Variants in SGCZ observed in about 807,000 individuals in gnomAD.
SGCZ encodes the protein zeta-sarcoglycan.
Under a neutral mutation model 41.3 loss-of-function variants are expected in SGCZ, and 40 were observed. The ratio of observed to expected loss-of-function variants is 0.97; its 90% CI spans 0.75 to 1.26. The LOEUF is 1.26. Ranked by LOEUF, SGCZ falls within the 50% of genes most tolerant of loss-of-function variation. The pLI is 0.00. For missense variants in SGCZ, 552 were observed against 369.8 expected, an observed-to-expected ratio of 1.49 and a Z score of -4.04; for synonymous variants, 206 against 137.5, an observed-to-expected ratio of 1.50 and a Z score of -3.49.
At chr8:14,135,520 A>G (rs890533454) in intron 5 of SGCZ, among the ~76,000 whole-genome samples, 1 of 152,228 alleles carries the variant, frequency 6.6e-6, no homozygotes, top group Non-Finnish European at 1.5e-5. Flanking sequence ...ATAGATGGGT[A>G]TAGTAATCTG....
intron 1 of SGCZ, among the ~76,000 whole-genome samples, chr8:14,966,318 A>G (rs191178478): frequency 9.2e-5 from 14 of 151,932 alleles, no homozygotes; most frequent in Admixed American, 3.3e-4. Context: ...CAGGTTAAAA[A>G]TAAATAATCT....
At chr8:14,855,231 G>A (rs928209410) in intron 1 of SGCZ, among the ~76,000 whole-genome samples, 4 of 151,734 alleles carry the variant, frequency 2.6e-5, no homozygotes, top group Non-Finnish European at 4.4e-5. Flanking sequence ...CGTATTTTTA[G>A]TTGAGACGGA....
At chr8:14,794,059 C>T (rs899024240) in intron 1 of SGCZ, among the ~76,000 whole-genome samples, 11 of 152,066 alleles carry the variant, frequency 7.2e-5, no homozygotes, top group South Asian at 6.2e-4. Context: ...GATATAGAAA[C>T]CACTGTTCCT....
chr8:14,591,344 T>C (rs1805233556), intron 1 of SGCZ, among the ~76,000 whole-genome samples: 1 of 152,006 alleles, frequency 6.6e-6, no homozygotes, highest in African/African-American at 2.4e-5. Flanking sequence ...AGGCCCCTTT[T>C]AAACAAATGA....
intron 7 of SGCZ, among the ~76,000 whole-genome samples, chr8:14,098,332 A>C (rs1395797281): frequency 6.6e-6 from 1 of 152,188 alleles, no homozygotes; most frequent in East Asian, 1.9e-4. Context: ...ATGTGAAAGC[A>C]AGAAGTGCAC....
At chr8:15,087,004 AG>A (rs1390148082) in intron 1 of SGCZ, among the ~76,000 whole-genome samples, 3 of 152,192 alleles carry the variant, frequency 2.0e-5, no homozygotes, top group Admixed American at 2.0e-4. Context: ...ATGACACAGA[AG>A]AACATGGGAT....
At chr8:14,315,675 A>C (rs1801690880) in intron 3 of SGCZ, among the ~76,000 whole-genome samples, 1 of 152,112 alleles carries the variant, frequency 6.6e-6, no homozygotes, top group African/African-American at 2.4e-5. Flanking sequence ...TCAAGGCCTA[A>C]GATAGATTTA....
intron 2 of SGCZ, among the ~76,000 whole-genome samples, chr8:14,468,949 C>T (rs1379656454): frequency 6.6e-6 from 1 of 152,042 alleles, no homozygotes; most frequent in Non-Finnish European, 1.5e-5. Flanking sequence ...ATTCCATTGC[C>T]ATCCTAATTG....
intron 1 of SGCZ, among the ~76,000 whole-genome samples, chr8:15,094,389 C>T (rs1346497648): frequency 1.3e-5 from 2 of 152,162 alleles, no homozygotes; most frequent in Non-Finnish European, 2.9e-5. Flanking sequence ...CCTGCCTTGG[C>T]CTCCCAAAGT....
chr8:14,845,459 A>T (rs1454804653), intron 1 of SGCZ, among the ~76,000 whole-genome samples: 1 of 152,214 alleles, frequency 6.6e-6, no homozygotes, highest in African/African-American at 2.4e-5. Flanking sequence ...ATATTATCAG[A>T]CACACACAAG....
At chr8:14,539,132 C>G (rs1235635675) in intron 2 of SGCZ, among the ~76,000 whole-genome samples, 1 of 151,990 alleles carries the variant, frequency 6.6e-6, no homozygotes, top group Non-Finnish European at 1.5e-5. Flanking sequence ...AGACTGACTT[C>G]CCCAGAGGAA....
intron 1 of SGCZ, among the ~76,000 whole-genome samples, chr8:15,121,921 A>G (rs1186247961): frequency 6.7e-6 from 1 of 149,978 alleles, no homozygotes; most frequent in Non-Finnish European, 1.5e-5. Context: ...AAAAAAATAG[A>G]TATGCAGACA....
chr8:14,983,792 C>G (rs2130883778), intron 1 of SGCZ, among the ~76,000 whole-genome samples: 1 of 152,254 alleles, frequency 6.6e-6, no homozygotes, highest in South Asian at 2.1e-4. Context: ...CCCTGGTTTT[C>G]TACTGCCTGA....
At position 14,250,099 on chromosome 8, in the gene SGCZ, A is replaced by G. The variant is rs557342610; in HGVS notation, c.337-12420T>C. Among the ~76,000 whole-genome samples, 7 of 152,340 alleles carry G rather than the reference A, an allele frequency of 4.6e-5. 1 individual carries two copies. The highest frequency in any genetic ancestry group is 4.8e-5 in the African/African-American group (2 of 41,582). On this transcript the variant is annotated intron_variant, in intron 3 of 7. Transcript: ENST00000382080. ...TGCATTTCAAACGAGCTTCCAGGTC[A>G]TGCCAACAAAGCTGGTCTGCAGATT...
intron 1 of SGCZ, among the ~76,000 whole-genome samples, chr8:15,018,647 G>C (rs1803134215): frequency 6.6e-6 from 1 of 152,152 alleles, no homozygotes; most frequent in South Asian, 2.1e-4. Context: ...AGGGGAGAAG[G>C]TAAGTGATGA....
rs201558357 is a variant in SGCZ, at chr8:14,463,406, A to G, written c.234+91326T>C. Among the ~76,000 whole-genome samples the G allele has an allele frequency of 1.7e-4, 11 of 65,084 alleles. No individual in the cohort carries two copies. The East Asian group carries it at 3.1e-3, about 19-fold the overall frequency. The allele number at this position is 65,084 out of a possible 152,430, so 42.7% of individuals were successfully genotyped here. On this transcript the variant is annotated intron_variant, in intron 2 of 7. Transcript: ENST00000382080. ...ATACGAAGTTTTTAACAAGTGGTGT[A>G]AAAAAAAAAAAAAAACCCTGGATAT...
At position 15,097,866 on chromosome 8, in the gene SGCZ, G is replaced by GTATA. The variant is rs10674533; in HGVS notation, c.39+139715_39+139718dup. ...TGTATATATATATATACGTGTGTGTGTATATATATATATATACGTGTGTAT... is the reference window on the plus strand; with the variant it reads ...TGTATATATATATATACGTGTGTGTGTATATATATATATATATATACGTGTGTAT... On this transcript the variant is annotated intron_variant, in intron 1 of 7. Transcript: ENST00000382080. Among the ~76,000 whole-genome samples the GTATA allele has an allele frequency of 3.2e-4, 22 of 68,496 alleles. No homozygotes were observed. In the East Asian group the frequency reaches 5.5e-3, roughly 17 times the overall value. 44.9% of individuals were successfully genotyped at this position (68,496 alleles called of 152,430 possible).
At chr8:14,698,351 T>C (rs1370629877) in intron 1 of SGCZ, among the ~76,000 whole-genome samples, 1 of 151,960 alleles carries the variant, frequency 6.6e-6, no homozygotes, top group East Asian at 1.9e-4. Flanking sequence ...ATGATTTTTC[T>C]GGTTTCTAAA....
At chr8:14,181,422 T>C (rs1337639467) in intron 4 of SGCZ, among the ~76,000 whole-genome samples, 1 of 152,198 alleles carries the variant, frequency 6.6e-6, no homozygotes, top group Non-Finnish European at 1.5e-5. Context: ...TCAGACTCAC[T>C]GGGGATTGCA....
Sources: allele counts gnomAD v4.1 joint callset (sites outside exome capture counted in the v4.1 genomes callset), GRCh38; gene constraint gnomAD v4.1.1; transcripts MANE v1.5; gene names NCBI Gene and HGNC (gene_info 2026-07-23, HGNC 2026-07-21).